Variants in ZNF451 observed in about 807,000 individuals in gnomAD.
ZNF451 encodes the protein zinc finger protein 451.
Under a neutral mutation model 107.1 loss-of-function variants are expected in ZNF451, and 80 were observed. The ratio of observed to expected loss-of-function variants is 0.75; its 90% confidence interval spans 0.62 to 0.90. The LOEUF is 0.90. Ranked by LOEUF, ZNF451 falls within the 40% of genes least tolerant of loss-of-function variation. The pLI is 0.00. For missense variants in ZNF451, 1,107 were observed against 1,236.2 expected (o/e 0.90, Z 1.57); for synonymous variants, 362 against 406.5 (o/e 0.89, Z 1.32).
intron 3 of ZNF451, among the ~76,000 whole-genome samples, chr6:57,122,097 T>G (rs1014472781): frequency 2.0e-5 from 3 of 151,992 alleles, no homozygotes; most frequent in Admixed American, 2.0e-4. Flanking sequence ...ACTCACCAAC[T>G]CATGTTCAAC....
chr6:57,121,430 T>C (rs1830634208), intron 3 of ZNF451, among the ~76,000 whole-genome samples: 2 of 152,190 alleles, frequency 1.3e-5, no homozygotes, highest in South Asian at 4.1e-4. Context: ...AGGATTTTGA[T>C]TGTGATTGCA....
At chr6:57,140,729 G>A (rs201082897) in intron 7 of ZNF451, among the ~76,000 whole-genome samples, 24 of 152,260 alleles carry the variant, frequency 1.6e-4, no homozygotes, top group East Asian at 1.5e-3. Flanking sequence ...ACACCATGGC[G>A]TAGTTTGCAA....
chr6:57,108,702 A>T, intron 3 of ZNF451: 1 of 985,422 alleles, frequency 1.0e-6, no homozygotes, highest in Non-Finnish European at 1.2e-6. Context: ...AGGTCTTGGA[A>T]GCATGTTAAT....
chr6:57,146,038 CTGA>C (rs796343777), intron 9 of ZNF451, among the ~76,000 whole-genome samples: 9 of 152,166 alleles, frequency 5.9e-5, no homozygotes, highest in African/African-American at 2.2e-4. Context: ...TTGAAGTTCT[CTGA>C]TGATTAGTAA....
chr6:57,102,540 G>T, intron 3 of ZNF451: 5 of 988,414 alleles, frequency 5.1e-6, no homozygotes, highest in Non-Finnish European at 6.0e-6. Flanking sequence ...TAGGTTATCA[G>T]TGCTTCCTTG....
intron 3 of ZNF451, chr6:57,104,322 C>T: frequency 1.0e-6 from 1 of 985,422 alleles, no homozygotes; most frequent in Non-Finnish European, 1.2e-6. Context: ...GGACTTGCCA[C>T]TGGAGAACTC....
intron 13 of ZNF451, among the ~76,000 whole-genome samples, chr6:57,155,189 AAAAC>A (rs1763352062): frequency 2.6e-5 from 4 of 152,184 alleles, no homozygotes; most frequent in Admixed American, 2.0e-4. Context: ...AAAAAACAAA[AAAAC>A]AAAAAAAACA....
At chr6:57,110,797 G>T (rs187209449) in intron 3 of ZNF451, among the ~76,000 whole-genome samples, 8 of 152,146 alleles carry the variant, frequency 5.3e-5, no homozygotes, top group African/African-American at 1.9e-4. Context: ...TAGGAAACTG[G>T]GTTGTAGACC....
intron 13 of ZNF451, among the ~76,000 whole-genome samples, chr6:57,159,852 T>G (rs1763591142): frequency 6.6e-6 from 1 of 152,212 alleles, no homozygotes; most frequent in Non-Finnish European, 1.5e-5. Flanking sequence ...GGCTTTTTAA[T>G]GTATATTTTA....
intron 9 of ZNF451, among the ~76,000 whole-genome samples, chr6:57,144,173 T>C (rs575953571): frequency 6.6e-6 from 1 of 151,286 alleles, no homozygotes; most frequent in Middle Eastern, 3.4e-3. Context: ...ATGTGAAAAA[T>C]AGTTGAAATT....
intron 13 of ZNF451, among the ~76,000 whole-genome samples, chr6:57,156,671 T>C (rs1763438816): frequency 6.6e-6 from 1 of 152,180 alleles, no homozygotes; most frequent in African/African-American, 2.4e-5. Context: ...AAGGGATTTG[T>C]GGTCTCAACG....
intron 11 of ZNF451, among the ~76,000 whole-genome samples, chr6:57,151,615 T>C (rs1398814328): frequency 6.6e-6 from 1 of 152,226 alleles, no homozygotes; most frequent in Non-Finnish European, 1.5e-5. Context: ...GCTATAGGAC[T>C]AATGTTATTT....
chr6:57,154,410 C>G (rs1562627286), intron 13 of ZNF451: 1 of 395,654 alleles, frequency 2.5e-6, no homozygotes, highest in Non-Finnish European at 4.5e-6. Flanking sequence ...TTTTAGAAAG[C>G]AGTGCGCTTA....
intron 13 of ZNF451, chr6:57,160,845 A>G (rs1763640747): frequency 5.7e-6 from 2 of 353,458 alleles, no homozygotes; most frequent in Non-Finnish European, 5.1e-6. Context: ...GTTAATGAAA[A>G]CCTATGGTGT....
intron 7 of ZNF451, among the ~76,000 whole-genome samples, chr6:57,140,337 G>A (rs997805597): frequency 2.6e-5 from 4 of 152,122 alleles, no homozygotes; most frequent in Non-Finnish European, 4.4e-5. Context: ...AGGCCAAGGC[G>A]GGTGGATCAC....
chr6:57,103,775 A>G (rs1829717793), intron 3 of ZNF451: 1 of 985,194 alleles, frequency 1.0e-6, no homozygotes, highest in African/African-American at 1.7e-5. Flanking sequence ...TGTTCTTGCC[A>G]CAGTTGTTGC....
intron 13 of ZNF451, among the ~76,000 whole-genome samples, chr6:57,160,226 A>G (rs922587217): frequency 2.0e-5 from 3 of 152,168 alleles, no homozygotes; most frequent in African/African-American, 4.8e-5. Flanking sequence ...GAACAATATT[A>G]GGACATTATT....
At position 57,159,532 on chromosome 6, in the gene ZNF451, T is replaced by G. The variant is rs1372849873; in HGVS notation, c.3071-1552T>G. 13 of 361,902 alleles carry G rather than the reference T, an allele frequency of 3.6e-5. No homozygotes were observed. In the Admixed American group the frequency reaches 5.8e-4, roughly 16 times the overall value. The allele number at this position is 361,902 out of a possible 1,614,324, so 22.4% of individuals were successfully genotyped here. A position where few individuals can be genotyped will look rare whatever the true frequency, so the allele number is the denominator to read the frequency against. On this transcript the variant is annotated intron_variant, in intron 13 of 14. Transcript: ENST00000370706. The stretch of plus-strand genomic sequence containing the variant: ...TCTTAAAACATTATAAGAGTTTTTT[T>G]TTTTTTTTTTTTGCGTTTTCTTATT...
At chr6:57,141,716 T>C (rs538849031) in intron 8 of ZNF451, among the ~76,000 whole-genome samples, 2 of 152,350 alleles carry the variant, frequency 1.3e-5, no homozygotes, top group Non-Finnish European at 2.9e-5. Context: ...TATATCATGA[T>C]ATCTTGGAAG....
Sources: gnomAD v4.1 joint callset for allele counts (sites outside exome capture counted in the v4.1 genomes callset) on GRCh38, gnomAD v4.1.1 for gene constraint, MANE v1.5 for transcripts, NCBI Gene and HGNC (gene_info 2026-07-23, HGNC 2026-07-21) for gene names.